The following SORCS1 variants were observed in gnomAD, a reference collection of about 807,000 sequenced individuals.
The protein encoded by SORCS1 is VPS10 domain-containing receptor SorCS1.
A neutral mutation model predicts 146.1 loss-of-function variants in SORCS1; 60 were observed. That is an observed-to-expected ratio of 0.41 (90% confidence interval 0.33 to 0.51). The LOEUF is 0.51. Ranked by LOEUF, SORCS1 falls within the 20% of genes least tolerant of loss-of-function variation. The pLI, the probability that SORCS1 is intolerant of heterozygous loss-of-function variation, is 0.21. For synonymous variants in SORCS1, 637 were observed against 584.0 expected, an observed-to-expected ratio of 1.09 and a Z score of -1.31; for missense variants, 1,352 against 1,487.6, an observed-to-expected ratio of 0.91 and a Z score of 1.50.
chr10:106,903,238 G>A (rs1175887589), intron 2 of SORCS1, among the ~76,000 whole-genome samples: 1 of 152,142 alleles, frequency 6.6e-6, no homozygotes, highest in Non-Finnish European at 1.5e-5. Flanking sequence ...TGTGGTTCAT[G>A]GGCATTTGCT....
chr10:106,689,024 G>A (rs758479358), intron 9 of SORCS1, among the ~76,000 whole-genome samples: 7 of 152,122 alleles, frequency 4.6e-5, no homozygotes, highest in African/African-American at 1.4e-4. Flanking sequence ...CAGAATACAC[G>A]GAACATAAGA....
intron 1 of SORCS1, among the ~76,000 whole-genome samples, chr10:107,113,190 G>A (rs1276570525): frequency 2.0e-5 from 3 of 151,894 alleles, no homozygotes; most frequent in Admixed American, 1.3e-4. Flanking sequence ...ACTATAAATC[G>A]ATATGAGAAA....
intron 3 of SORCS1, among the ~76,000 whole-genome samples, chr10:106,796,200 C>T (rs10509824): frequency 0.042 from 6,336 of 152,206 alleles, 203 homozygotes; most frequent in East Asian, 0.11. Context: ...AATGTCTGCA[C>T]TGCTTCTTTG....
intron 4 of SORCS1, among the ~76,000 whole-genome samples, chr10:106,772,910 C>A (rs1170079878): frequency 6.6e-6 from 1 of 151,958 alleles, no homozygotes; most frequent in African/African-American, 2.4e-5. Context: ...TCCTTAGGAG[C>A]TTAAAAGTCA....
intron 3 of SORCS1, among the ~76,000 whole-genome samples, chr10:106,824,904 G>GA (rs1206539904): frequency 1.3e-5 from 2 of 152,228 alleles, no homozygotes; most frequent in Middle Eastern, 3.4e-3. Flanking sequence ...ACAGAAATGA[G>GA]AAAAAACTGG....
At chr10:106,782,174 T>G (rs1860946388) in intron 3 of SORCS1, among the ~76,000 whole-genome samples, 1 of 152,228 alleles carries the variant, frequency 6.6e-6, no homozygotes, top group African/African-American at 2.4e-5. Flanking sequence ...ACTATGGCAT[T>G]GTATTTTAAA....
At chr10:106,674,203 C>A (rs1248813864) in intron 14 of SORCS1, among the ~76,000 whole-genome samples, 1 of 149,698 alleles carries the variant, frequency 6.7e-6, no homozygotes, top group African/African-American at 2.5e-5. Flanking sequence ...GTGGCAGGCA[C>A]CTGTAGTCCT....
chr10:107,056,603 T>C (rs1265461824), intron 1 of SORCS1, among the ~76,000 whole-genome samples: 3 of 152,194 alleles, frequency 2.0e-5, no homozygotes, highest in African/African-American at 2.4e-5. Flanking sequence ...TAACCATCGA[T>C]AGCTAATTCA....
intron 2 of SORCS1, among the ~76,000 whole-genome samples, chr10:106,942,092 T>C (rs1399940163): frequency 6.6e-6 from 1 of 152,224 alleles, no homozygotes; most frequent in Non-Finnish European, 1.5e-5. Context: ...TTCTTAAAAG[T>C]AGCTTTTATA....
intron 23 of SORCS1, among the ~76,000 whole-genome samples, chr10:106,604,469 T>C (rs560933463): frequency 4.4e-4 from 67 of 152,164 alleles, no homozygotes; most frequent in Non-Finnish European, 7.5e-4. Context: ...AAGACACTAA[T>C]TTCTGATGTG....
Position 106,903,488 on chromosome 10 carries a change from A to C in SORCS1, c.626+53025T>G, listed in dbSNP as rs181010868. ...TACAGTCCAAGACAATCCTATTGTT[A>C]CTTGGCTCTGTGTTAATTTCCGACA... is the stretch of plus-strand genomic sequence containing the variant. On this transcript the variant is annotated intron_variant, in intron 2 of 25. Coordinates refer to ENST00000263054, the MANE Select transcript of SORCS1 (RefSeq NM_052918.5). Among the ~76,000 whole-genome samples the C allele has an allele frequency of 1.3e-3, 191 of 152,330 alleles. 1 individual carries two copies. The highest frequency in any genetic ancestry group is 4.2e-3 in the African/African-American group (173 of 41,566).
At chr10:106,807,750 G>A (rs1202933469) in intron 3 of SORCS1, among the ~76,000 whole-genome samples, 1 of 152,212 alleles carries the variant, frequency 6.6e-6, no homozygotes, top group Non-Finnish European at 1.5e-5. Context: ...CAGCAGCTAA[G>A]CTCCAACTAT....
At chr10:106,703,872 C>T (rs571525663) in intron 8 of SORCS1, among the ~76,000 whole-genome samples, 2 of 152,286 alleles carry the variant, frequency 1.3e-5, no homozygotes, top group African/African-American at 4.8e-5. Context: ...CTAAATAATA[C>T]ATTCATCTGC....
chr10:106,850,440 C>A (rs543285517), intron 2 of SORCS1, among the ~76,000 whole-genome samples: 4 of 152,026 alleles, frequency 2.6e-5, no homozygotes, highest in Non-Finnish European at 5.9e-5. Context: ...CGCCCTGCTT[C>A]GGCTCGCACA....
At chr10:106,864,274 G>A (rs1251912356) in intron 2 of SORCS1, among the ~76,000 whole-genome samples, 8 of 152,046 alleles carry the variant, frequency 5.3e-5, no homozygotes, top group South Asian at 2.1e-4. Context: ...GCAGAATGAC[G>A]GTCCACCAGG....
chr10:106,782,951 A>G (rs1323371081), intron 3 of SORCS1, among the ~76,000 whole-genome samples: 1 of 152,222 alleles, frequency 6.6e-6, no homozygotes, highest in Non-Finnish European at 1.5e-5. Flanking sequence ...TCCTCACAAA[A>G]TAGAAAAGAA....
intron 2 of SORCS1, among the ~76,000 whole-genome samples, chr10:106,841,193 G>A (rs1949023069): frequency 6.6e-6 from 1 of 152,156 alleles, no homozygotes; most frequent in Admixed American, 6.5e-5. Flanking sequence ...TTGGTGGCCA[G>A]GTGCAGTGGC....
At chr10:107,165,227 A>C (rs1384940894), upstream of SORCS1, among the ~76,000 whole-genome samples, 1 of 150,388 alleles carries the variant, frequency 6.6e-6, no homozygotes, top group African/African-American at 2.5e-5. The surrounding 1 kb of genome is among the most constrained non-coding windows in gnomAD (Gnocchi z 4.0). Context: ...TGTGTGTCCC[A>C]GCCTGGGGGG....
intron 4 of SORCS1, among the ~76,000 whole-genome samples, chr10:106,762,969 C>T (rs112445376): frequency 4.7e-4 from 71 of 152,218 alleles, no homozygotes; most frequent in African/African-American, 1.7e-3. Flanking sequence ...AGAGTATCCG[C>T]TTCTCTCTCT....
Sources: allele counts gnomAD v4.1 joint callset (sites outside exome capture counted in the v4.1 genomes callset), GRCh38; gene constraint gnomAD v4.1.1; non-coding constraint Gnocchi (gnomAD v3.1); transcripts MANE v1.5; gene names NCBI Gene and HGNC (gene_info 2026-07-23, HGNC 2026-07-21).